The following SDK1 variants were observed in gnomAD, a reference collection of about 807,000 sequenced individuals.
The protein encoded by SDK1 is protein sidekick-1.
A neutral mutation model predicts 245.5 loss-of-function variants in SDK1; 157 were observed. That is an observed-to-expected ratio of 0.64 (90% CI 0.56 to 0.73). The LOEUF is 0.73. SDK1 is among the 30% of genes least tolerant of loss of function. The pLI is 0.00. For missense variants in SDK1, 3,583 were observed against 3,002.3 expected, an observed-to-expected ratio of 1.19 and a Z score of -4.52; for synonymous variants, 1,647 against 1,278.5, an observed-to-expected ratio of 1.29 and a Z score of -6.15.
intron 5 of SDK1, among the ~76,000 whole-genome samples, chr7:3,904,442 A>G (rs1289606909): frequency 3.9e-5 from 6 of 152,130 alleles, no homozygotes; most frequent in Non-Finnish European, 5.9e-5. Context: ...TCACACCTGT[A>G]ATGCACTTTG....
intron 40 of SDK1, among the ~76,000 whole-genome samples, chr7:4,227,851 G>T (rs1460298345): frequency 6.6e-6 from 1 of 152,204 alleles, no homozygotes; most frequent in Middle Eastern, 3.2e-3. Context: ...TTAGGACATT[G>T]TCTGGGAACA....
chr7:3,394,208 T>G (rs1781834848), intron 1 of SDK1, among the ~76,000 whole-genome samples: 1 of 152,136 alleles, frequency 6.6e-6, no homozygotes, highest in East Asian at 1.9e-4. Context: ...CCCCCGACCC[T>G]CATTTTGAGT....
At chr7:4,134,683 G>C (rs10265374) in intron 28 of SDK1, 6 of 152,490 alleles carry the variant, frequency 3.9e-5, no homozygotes, top group Admixed American at 6.5e-5. Flanking sequence ...TCCCACTGCC[G>C]GCCTCGGTAG....
At chr7:3,488,034 T>G (rs1781755309) in intron 1 of SDK1, among the ~76,000 whole-genome samples, 1 of 152,236 alleles carries the variant, frequency 6.6e-6, no homozygotes, top group South Asian at 2.1e-4. Context: ...CTTATTAGAC[T>G]AGAGGCTTGT....
In SDK1 at chr7:3,701,365, G is replaced by T. The variant is rs76717987; in HGVS notation, c.713+59260G>T. 4.9e-3 allele frequency among the ~76,000 whole-genome samples: 745 copies of T among 152,308 alleles called. 6 individuals carry two copies. The highest frequency in any genetic ancestry group is 0.017 in the African/African-American group (696 of 41,566). Reference sequence around the variant, plus strand: ...AGTGGACTATGTGTCTATAAAAAGTGAATTTTTCCCAAATTGATGTATAGG... The same window carrying T: ...AGTGGACTATGTGTCTATAAAAAGTTAATTTTTCCCAAATTGATGTATAGG... On this transcript the variant is annotated intron_variant, in intron 4 of 44. Coordinates refer to ENST00000404826, the MANE Select transcript of SDK1 (RefSeq NM_152744.4).
intron 5 of SDK1, among the ~76,000 whole-genome samples, chr7:3,945,838 G>C (rs1209536878): frequency 2.3e-5 from 3 of 133,162 alleles, no homozygotes; most frequent in Non-Finnish European, 4.6e-5. Flanking sequence ...AGCGGAGCTT[G>C]CAGTGACCTG....
At chr7:4,153,789 G>A (rs1037029448) in intron 30 of SDK1, among the ~76,000 whole-genome samples, 1 of 152,070 alleles carries the variant, frequency 6.6e-6, no homozygotes, top group African/African-American at 2.4e-5. Flanking sequence ...ATACCATCCT[G>A]TCTCAGCCTC....
At chr7:3,700,229 A>G (rs999248441) in intron 4 of SDK1, among the ~76,000 whole-genome samples, 1 of 152,178 alleles carries the variant, frequency 6.6e-6, no homozygotes, top group African/African-American at 2.4e-5. Context: ...ACGATTTTTT[A>G]TTTTTATTAA....
chr7:3,319,296 C>T (rs1157162221), intron 1 of SDK1, among the ~76,000 whole-genome samples: 1 of 152,144 alleles, frequency 6.6e-6, no homozygotes, highest in African/African-American at 2.4e-5. Context: ...TCTCATTTGA[C>T]ACAAGCTGTC....
At chr7:3,697,032 C>T (rs1056180510) in intron 4 of SDK1, among the ~76,000 whole-genome samples, 5 of 152,244 alleles carry the variant, frequency 3.3e-5, no homozygotes, top group Non-Finnish European at 5.9e-5. Flanking sequence ...GATATACTCT[C>T]TCAGGTTCTT....
intron 5 of SDK1, among the ~76,000 whole-genome samples, chr7:3,857,305 A>T (rs2115112084): frequency 6.6e-6 from 1 of 152,296 alleles, no homozygotes; most frequent in South Asian, 2.1e-4. Flanking sequence ...AGAAAGGGGA[A>T]AAAGAAACTG....
At position 3,306,101 on chromosome 7, in the gene SDK1, A is replaced by G. The variant is rs138209766; in HGVS notation, c.298+4217A>G. ...TAAGGAGAGGGAAAAATGGGCAGCA[A>G]TCAGATCTGTACCAAAGGGAAAGAC... On this transcript the variant is annotated intron_variant, in intron 1 of 44. Transcript: ENST00000404826. 5.9e-5 allele frequency among the ~76,000 whole-genome samples: 9 copies of G among 152,314 alleles called. No homozygotes were observed. In the East Asian group the frequency reaches 1.2e-3, roughly 20 times the overall value.
chr7:3,439,734 A>T (rs995436386), intron 1 of SDK1, among the ~76,000 whole-genome samples: 8 of 152,248 alleles, frequency 5.3e-5, no homozygotes, highest in Admixed American at 4.6e-4. Flanking sequence ...ATTGTCATTT[A>T]TACATGATTT....
At chr7:3,814,388 G>C (rs1408333233) in intron 4 of SDK1, among the ~76,000 whole-genome samples, 2 of 150,158 alleles carry the variant, frequency 1.3e-5, no homozygotes, top group African/African-American at 5.0e-5. Context: ...CCCATTGCTT[G>C]TTTTTCTCAG....
At chr7:3,302,393 ACCCC>A (rs1779297159) in intron 1 of SDK1, 2 of 151,824 alleles carry the variant, frequency 1.3e-5, no homozygotes, top group African/African-American at 4.8e-5. Flanking sequence ...CCAAAGCCCG[ACCCC>A]AAGTGGGTGC....
chr7:3,346,913 C>G (rs1780523718), intron 1 of SDK1, among the ~76,000 whole-genome samples: 4 of 138,622 alleles, frequency 2.9e-5, no homozygotes, highest in African/African-American at 1.1e-4. Context: ...TCAAGTGATC[C>G]TCCTGATTCT....
intron 1 of SDK1, among the ~76,000 whole-genome samples, chr7:3,451,827 A>G (rs1321504288): frequency 6.6e-6 from 1 of 152,182 alleles, no homozygotes; most frequent in South Asian, 2.1e-4. Flanking sequence ...GTACTGGGCC[A>G]ATCAAACTAG....
chr7:4,066,251 TGG>T (rs1779890765), intron 19 of SDK1, among the ~76,000 whole-genome samples: 1 of 152,000 alleles, frequency 6.6e-6, no homozygotes. Context: ...GGGGTAGGCA[TGG>T]GGGCATTGTC....
chr7:4,213,846 A>G (rs1207184805), intron 38 of SDK1, among the ~76,000 whole-genome samples: 1 of 152,058 alleles, frequency 6.6e-6, no homozygotes, highest in East Asian at 1.9e-4. Flanking sequence ...TCACTGGGAA[A>G]CTCAAAGCAT....
Sources: gnomAD v4.1 joint callset for allele counts (sites outside exome capture counted in the v4.1 genomes callset) on GRCh38, gnomAD v4.1.1 for gene constraint, MANE v1.5 for transcripts, NCBI Gene and HGNC (gene_info 2026-07-23, HGNC 2026-07-21) for gene names.